Variants in AGA observed in about 807,000 individuals in gnomAD.
The protein encoded by AGA is N(4)-(beta-N-acetylglucosaminyl)-L-asparaginase.
AGA carries 31 observed loss-of-function variants against 40.1 expected under a neutral mutation model. That is an observed-to-expected ratio of 0.77 (90% CI 0.58 to 1.04). The LOEUF (loss-of-function observed/expected upper bound fraction) is 1.04. Among genes scored for constraint, AGA ranks in the 50% least tolerant of loss-of-function variants. AGA has a pLI of 0.00. For missense variants in AGA, 445 were observed against 435.4 expected, an observed-to-expected ratio of 1.02 and a Z score of -0.20; for synonymous variants, 148 against 144.0, an observed-to-expected ratio of 1.03 and a Z score of -0.20.
rs778830203 is a variant in AGA at position 177,442,231 on chromosome 4, C to T, written c.127+18G>A. 6.2e-7 allele frequency: 1 copy of T among 1,613,030 alleles called. No individual in the cohort carries two copies. The highest frequency in any genetic ancestry group is 1.1e-5 in the South Asian group (1 of 91,018). On this transcript the variant is annotated intron_variant, in intron 1 of 8. Coordinates refer to ENST00000264595, the MANE Select transcript of AGA (RefSeq NM_000027.4). Reference sequence around the variant, plus strand: ...AGCTCTCGCGGCGCAGCCGCCCGCCCAGGCCGCCAACCCGCACCTGCTTCG... The same window carrying T: ...AGCTCTCGCGGCGCAGCCGCCCGCCTAGGCCGCCAACCCGCACCTGCTTCG...
At chr4:177,436,436 G>A in intron 5 of AGA, 85 bp from the exon 6 acceptor site, 9 of 1,049,964 alleles carry the variant, frequency 8.6e-6, no homozygotes, top group Non-Finnish European at 1.3e-5. Flanking sequence ...GGTAATAACT[G>A]CTGTGCTCTG....
In AGA at chr4:177,436,787, A is replaced by AG. The variant is rs1395587352; in HGVS notation, c.623-437dup. ...GTATTTTGTTAACTGCCACTATAACAGGCAATTAACATTATTAATTATTAT... is the reference window on the plus strand; with the variant it reads ...GTATTTTGTTAACTGCCACTATAACAGGGCAATTAACATTATTAATTATTAT... On this transcript the variant is annotated intron_variant, in intron 5 of 8. Coordinates refer to ENST00000264595, the MANE Select transcript of AGA (RefSeq NM_000027.4). 2.6e-5 allele frequency among the ~76,000 whole-genome samples: 4 copies of AG among 152,184 alleles called. No homozygotes were observed. In the East Asian group the frequency reaches 7.7e-4, roughly 29 times the overall value.
chr4:177,438,921 G>A (rs899560320), intron 3 of AGA, 64 bp from the exon 4 acceptor site: 4 of 959,704 alleles, frequency 4.2e-6, no homozygotes, highest in Admixed American at 1.8e-5. Flanking sequence ...AAAAATATAT[G>A]TACTAGAGAC....
chr4:177,440,306 C>A lies in AGA; in HGVS notation c.248G>T (p.Gly83Val), dbSNP rs903884327. The change falls in exon 2 of 9, where the codon GGA becomes GTA. Residue 83 changes from glycine to valine, a missense_variant. By Grantham distance (109) the Gly-to-Val change is moderately radical (BLOSUM62 -3). Coordinates refer to ENST00000264595, the MANE Select transcript of AGA (RefSeq NM_000027.4). ...GATCATGGCATCTAGTGTGGTTTCT[C>A]CAAGTTCATCAGGACTTCCTCCAAA... The part of the protein sequence containing the change: ...VGFGGSPDEL[G>V]ETTLDAMIMD... 1.2e-6 allele frequency: 2 copies of A among 1,613,966 alleles called. 1 individual carries two copies. Among genetic ancestry groups the A allele is most frequent in the South Asian group, 2.2e-5 (2 of 91,056 alleles).
chr4:177,434,985 C>T (rs563856119), intron 6 of AGA, among the ~76,000 whole-genome samples: 2 of 152,028 alleles, frequency 1.3e-5, no homozygotes, highest in African/African-American at 4.8e-5. Context: ...CTGCAACCTC[C>T]GCCTCCTGGG....
intron 1 of AGA, among the ~76,000 whole-genome samples, chr4:177,441,957 A>G (rs1346751661): frequency 6.6e-6 from 1 of 152,226 alleles, no homozygotes; most frequent in Non-Finnish European, 1.5e-5. Context: ...ATTAAAGCAC[A>G]AAGGCCATAA....
In AGA at chr4:177,435,874, C is replaced by T. The variant is rs1736798667; in HGVS notation, c.698+402G>A. Among the ~76,000 whole-genome samples, 3 of 142,776 alleles carry T rather than the reference C, an allele frequency of 2.1e-5. 1 individual carries two copies. Among genetic ancestry groups the T allele is most frequent in the South Asian group, 4.6e-4 (2 of 4,374 alleles). 93.7% of individuals were successfully genotyped at this position (142,776 alleles called of 152,430 possible). Reference sequence around the variant, plus strand: ...ACGCACACACACACACACACACACACCCCTTCTTTCCAAGCCAGTGGGAGT... The same window carrying T: ...ACGCACACACACACACACACACACATCCCTTCTTTCCAAGCCAGTGGGAGT... On this transcript the variant is annotated intron_variant, in intron 6 of 8. Coordinates refer to ENST00000264595, the MANE Select transcript of AGA (RefSeq NM_000027.4).
At chr4:177,432,016 C>T (rs1021388519) in intron 8 of AGA, among the ~76,000 whole-genome samples, 8 of 152,188 alleles carry the variant, frequency 5.3e-5, no homozygotes, top group Admixed American at 3.9e-4. Flanking sequence ...TCTCTTTGAA[C>T]TTCAGAAAAC....
intron 3 of AGA, 32 bp downstream of exon 3, chr4:177,439,544 T>C (rs780221123): frequency 2.7e-6 from 4 of 1,458,490 alleles, no homozygotes; most frequent in Admixed American, 1.7e-5. Flanking sequence ...GTCAAAAGAC[T>C]AGAAAAAATT....
chr4:177,440,857 C>G (rs1193377079), intron 1 of AGA, among the ~76,000 whole-genome samples: 1 of 152,154 alleles, frequency 6.6e-6, no homozygotes, highest in Non-Finnish European at 1.5e-5. Flanking sequence ...GAGGTAACAC[C>G]TATCCCAGGA....
At chr4:177,439,806 G>C (rs967264121) in intron 2 of AGA, 118 bp from the exon 3 acceptor site, 7 of 800,992 alleles carry the variant, frequency 8.7e-6, no homozygotes, top group Admixed American at 1.8e-5. Context: ...TCTTAACACA[G>C]AAGTGACAGC....
Position 177,433,315 on chromosome 4 carries a change from TCTC to T in AGA, c.836_838del (p.Gly279del), listed in dbSNP as rs764622951. ...TTTTTGGCAAGCTATGGTTGGATCT[TCTC>T]CTCTTCTCATGTATTCTACAGCTTG... On this transcript the variant is annotated inframe_deletion, in exon 8 of 9. Coordinates refer to ENST00000264595, the MANE Select transcript of AGA (RefSeq NM_000027.4). 19 of 1,613,956 alleles carry T rather than the reference TCTC, an allele frequency of 1.2e-5. No individual in the cohort carries two copies. The highest frequency in any genetic ancestry group is 2.2e-5 in the East Asian group (1 of 44,852).
Position 177,438,740 on chromosome 4 carries a change from C to T in AGA, c.507+5G>A, listed in dbSNP as rs1472514068. On this transcript the variant is annotated splice_donor_5th_base_variant and intron_variant, in intron 4 of 8. Transcript: ENST00000264595. ...CTTATTTTTTTAAATTAAATGTGTG[C>T]ATACCCTCCAATAATTTGGCTGGCA... 1 of 1,537,432 alleles carries T rather than the reference C, an allele frequency of 6.5e-7. No individual in the cohort carries two copies. Among genetic ancestry groups the T allele is most frequent in the East Asian group, 2.3e-5 (1 of 44,438 alleles).
intron 1 of AGA, among the ~76,000 whole-genome samples, chr4:177,440,868 A>C (rs1736981377): frequency 6.6e-6 from 1 of 152,226 alleles, no homozygotes; most frequent in African/African-American, 2.4e-5. Context: ...TATCCCAGGA[A>C]GTCTTAATAA....
chr4:177,437,536 A>T lies in AGA; in HGVS notation c.508-17T>A. 6.4e-7 allele frequency: 1 copy of T among 1,556,168 alleles called. No individual in the cohort carries two copies. The highest frequency in any genetic ancestry group is 8.9e-7 in the Non-Finnish European group (1 of 1,127,802). ...TATAACATTCTGTAAACAAGATTTA[A>T]GTTTTATTTCTTACAAAGGGTATTT... On this transcript the variant is annotated splice_polypyrimidine_tract_variant and intron_variant, in intron 4 of 8. Transcript: ENST00000264595.
chr4:177,442,324 G>A lies in AGA; in HGVS notation c.52C>T (p.Gln18Ter), dbSNP rs201701066. Residue 18 changes from glutamine to a stop codon, truncating the protein, a stop_gained, in exon 1 of 9, where the codon CAG becomes TAG. Transcript: ENST00000264595. LOFTEE classifies it high-confidence loss of function. The stretch of plus-strand genomic sequence containing the variant: ...GGGCTGGAGCAGCGCACTAGGGCCT[G>A]GCAGAGCAGAAACGGCACGAGAAGC... ...PVLLVPFLLC[Q>*]ALVRCSSPLP... 8 of 1,614,126 alleles carry A rather than the reference G, an allele frequency of 5.0e-6. No homozygotes were observed. The highest frequency in any genetic ancestry group is 2.2e-5 in the East Asian group (1 of 44,874).
In AGA at chr4:177,438,774, C is replaced by T. The variant is rs1264111124; in HGVS notation, c.478G>A (p.Ala160Thr). The change falls in exon 4 of 9, where the codon GCT (alanine) becomes ACT (threonine). Residue 160 changes from alanine to threonine, a missense_variant. Coordinates refer to ENST00000264595, the MANE Select transcript of AGA (RefSeq NM_000027.4). Reference sequence around the variant, plus strand: ...CAATAATTTGGCTGGCAATTCCGAGCAAGCCAATCTGAATGAAGAGCTTGA... The same window carrying T: ...CAATAATTTGGCTGGCAATTCCGAGTAAGCCAATCTGAATGAAGAGCTTGA... ...ASQALHSDWL[A>T]RNCQPNYWRN... is the part of the protein sequence containing the mutation. 1 of 1,608,622 alleles carries T rather than the reference C, an allele frequency of 6.2e-7. No individual in the cohort carries two copies. Among genetic ancestry groups the T allele is most frequent in the African/African-American group, 1.3e-5 (1 of 74,944 alleles).
rs889589233 is a variant in AGA, at chr4:177,437,326, T to G, written c.622+79A>C. 1.6e-5 allele frequency: 16 copies of G among 983,424 alleles called. No individual in the cohort carries two copies. In the African/African-American group the frequency reaches 1.9e-4, roughly 12 times the overall value. The allele number at this position is 983,424 out of a possible 1,614,324, so 60.9% of individuals were successfully genotyped here. ...AGTTAAAACAATCAAAATCAACTTC[T>G]GGTAGAAGAATAGGGAAGAGCTACA... On this transcript the variant is annotated intron_variant, in intron 5 of 8. Coordinates refer to ENST00000264595, the MANE Select transcript of AGA (RefSeq NM_000027.4).
At chr4:177,439,766 T>C in intron 2 of AGA, 78 bp from the exon 3 acceptor site, 1 of 1,090,464 alleles carries the variant, frequency 9.2e-7, no homozygotes, top group Non-Finnish European at 1.4e-6. Context: ...TTTTCTCCAA[T>C]CAATAGTGTT....
Sources: gnomAD v4.1 joint callset for allele counts (sites outside exome capture counted in the v4.1 genomes callset) on GRCh38, gnomAD v4.1.1 for gene constraint, MANE v1.5 for transcripts, NCBI Gene and HGNC (gene_info 2026-07-23, HGNC 2026-07-21) for gene names.